Variants in EYS observed in about 807,000 individuals in gnomAD.
EYS encodes the protein EGF-like photoreceptor maintenance factor.
In EYS, 250 loss-of-function variants were observed where a neutral mutation model predicts 282.1. The ratio of observed to expected loss-of-function variants is 0.89; its 90% CI spans 0.80 to 0.98. EYS has a LOEUF of 0.98. Ranked by LOEUF, EYS falls within the 50% of genes least tolerant of loss-of-function variation. The pLI is 0.00. For missense variants in EYS, 4,016 were observed against 3,709.0 expected, an observed-to-expected ratio of 1.08 and a Z score of -2.15; for synonymous variants, 1,355 against 1,282.9, an observed-to-expected ratio of 1.06 and a Z score of -1.20.
intron 30 of EYS, among the ~76,000 whole-genome samples, chr6:64,240,129 C>A (rs1307723261): frequency 1.7e-4 from 26 of 152,068 alleles, no homozygotes; most frequent in Non-Finnish European, 1.5e-5. Flanking sequence ...GTTTTGGTAC[C>A]AGTACCATGC....
intron 6 of EYS, among the ~76,000 whole-genome samples, chr6:65,404,369 T>C (rs998411539): frequency 1.3e-5 from 2 of 152,098 alleles, no homozygotes; most frequent in Non-Finnish European, 2.9e-5. Context: ...CATGCACATA[T>C]TCCCAGGATT....
chr6:64,656,497 A>G (rs1768750970), intron 22 of EYS, among the ~76,000 whole-genome samples: 2 of 152,174 alleles, frequency 1.3e-5, no homozygotes, highest in South Asian at 4.1e-4. Flanking sequence ...TTTGAGTAGA[A>G]GTAGTTTTTT....
intron 29 of EYS, among the ~76,000 whole-genome samples, chr6:64,371,027 T>C (rs991757034): frequency 2.6e-5 from 4 of 152,094 alleles, no homozygotes; most frequent in African/African-American, 7.2e-5. Context: ...AATTTAGCTA[T>C]GATTTGGGTT....
At chr6:64,036,581 G>T (rs534139506) in intron 33 of EYS, among the ~76,000 whole-genome samples, 2 of 152,272 alleles carry the variant, frequency 1.3e-5, no homozygotes, top group African/African-American at 4.8e-5. Context: ...CAGACATCAC[G>T]CAGGTGAACA....
chr6:64,292,822 C>T (rs572621402), intron 30 of EYS, among the ~76,000 whole-genome samples: 5 of 151,946 alleles, frequency 3.3e-5, no homozygotes, highest in Middle Eastern at 3.4e-3. Context: ...GTATTTGGCC[C>T]CATTCTGAGG....
intron 15 of EYS, among the ~76,000 whole-genome samples, chr6:64,940,656 C>T (rs1031903810): frequency 2.6e-5 from 4 of 152,018 alleles, no homozygotes; most frequent in African/African-American, 9.7e-5. Flanking sequence ...CTAATCCTAA[C>T]TACTGGCATT....
chr6:65,392,173 A>C (rs1394124352), intron 7 of EYS, among the ~76,000 whole-genome samples: 1 of 151,978 alleles, frequency 6.6e-6, no homozygotes, highest in African/African-American at 2.4e-5. Context: ...AATCAATTCA[A>C]GATGGATTAA....
intron 26 of EYS, among the ~76,000 whole-genome samples, chr6:64,502,136 G>T (rs1207242344): frequency 6.6e-6 from 1 of 152,140 alleles, no homozygotes; most frequent in East Asian, 1.9e-4. Context: ...TGGGTTAATG[G>T]CTCCCTTATA....
At chr6:64,617,077 G>T (rs1324282523) in intron 24 of EYS, among the ~76,000 whole-genome samples, 2 of 152,056 alleles carry the variant, frequency 1.3e-5, no homozygotes, top group Non-Finnish European at 2.9e-5. Context: ...CAAAATAAAA[G>T]TTCCGCCAAG....
Position 64,738,774 on chromosome 6 carries a change from T to A in EYS, c.3443+74604A>T, listed in dbSNP as rs181471105. ...AGACTCAAATTTTAGTAATTTTTTT[T>A]AAGATGTAATTTTGCCCTTGTTGCC... On this transcript the variant is annotated intron_variant, in intron 22 of 42. Transcript: ENST00000503581. Among the ~76,000 whole-genome samples, 393 of 152,352 alleles carry A rather than the reference T, an allele frequency of 2.6e-3. 3 individuals carry two copies. The highest frequency in any genetic ancestry group is 8.8e-3 in the African/African-American group (367 of 41,588).
At chr6:65,309,039 G>C (rs1303607469) in intron 11 of EYS, among the ~76,000 whole-genome samples, 1 of 152,084 alleles carries the variant, frequency 6.6e-6, no homozygotes, top group East Asian at 1.9e-4. Flanking sequence ...CAGAGGTTGA[G>C]AATTGCATGG....
At chr6:64,795,913 T>A (rs1774341433) in intron 22 of EYS, among the ~76,000 whole-genome samples, 2 of 152,196 alleles carry the variant, frequency 1.3e-5, no homozygotes, top group South Asian at 4.1e-4. Flanking sequence ...TGTAGAATGA[T>A]AGCAATCTAC....
At chr6:64,012,045 AC>A (rs941227584) in intron 33 of EYS, among the ~76,000 whole-genome samples, 2 of 113,188 alleles carry the variant, frequency 1.8e-5, no homozygotes, top group Non-Finnish European at 3.6e-5. Flanking sequence ...TTGTCCCCTC[AC>A]CCCCTCCCCT....
At chr6:65,170,143 C>T (rs1216757980) in intron 12 of EYS, among the ~76,000 whole-genome samples, 2 of 151,248 alleles carry the variant, frequency 1.3e-5, no homozygotes, top group Admixed American at 1.3e-4. Flanking sequence ...ACCAAAGAAC[C>T]CCATGGTGAA....
chr6:64,157,182 T>C (rs1435107463), intron 31 of EYS, among the ~76,000 whole-genome samples: 1 of 151,968 alleles, frequency 6.6e-6, no homozygotes, highest in Non-Finnish European at 1.5e-5. Context: ...CTGAGAATGA[T>C]GATTTCCAAT....
At chr6:63,757,764 C>T (rs1032258284) in intron 41 of EYS, among the ~76,000 whole-genome samples, 1 of 152,082 alleles carries the variant, frequency 6.6e-6, no homozygotes, top group African/African-American at 2.4e-5. Context: ...GGTGGGTTCC[C>T]CTGATAAGGG....
At chr6:64,601,670 A>T (rs62415846) in intron 24 of EYS, among the ~76,000 whole-genome samples, 14,821 of 152,062 alleles carry the variant, frequency 0.097, 891 homozygotes, top group East Asian at 0.15. Flanking sequence ...TTCTTTATGG[A>T]AGAATAGGAA....
intron 36 of EYS, among the ~76,000 whole-genome samples, chr6:63,816,999 A>G (rs1296024649): frequency 6.6e-6 from 1 of 152,188 alleles, no homozygotes; most frequent in African/African-American, 2.4e-5. Flanking sequence ...CCAAGTACAG[A>G]AGGAATCTCT....
intron 36 of EYS, among the ~76,000 whole-genome samples, chr6:63,824,833 G>A (rs1199572013): frequency 6.6e-6 from 1 of 152,172 alleles, no homozygotes; most frequent in African/African-American, 2.4e-5. Flanking sequence ...AGGAACGGGG[G>A]CAAAACTCCA....
Sources: allele counts gnomAD v4.1 joint callset (sites outside exome capture counted in the v4.1 genomes callset), GRCh38; gene constraint gnomAD v4.1.1; transcripts MANE v1.5; gene names NCBI Gene and HGNC (gene_info 2026-07-23, HGNC 2026-07-21).